The following CNTN6 variants were observed in gnomAD, a reference collection of about 807,000 sequenced individuals.
CNTN6 encodes contactin 6, also known as contactin-6.
CNTN6 carries 137 observed loss-of-function variants against 122.8 expected under a neutral mutation model. The ratio of observed to expected loss-of-function variants is 1.12; its 90% CI spans 0.97 to 1.29. CNTN6 has a LOEUF of 1.29. CNTN6 is among the 50% of genes most tolerant of loss of function. The pLI is 0.00. For missense variants in CNTN6, 1,634 were observed against 1,223.4 expected, an observed-to-expected ratio of 1.34 and a Z score of -5.01; for synonymous variants, 570 against 426.0, an observed-to-expected ratio of 1.34 and a Z score of -4.16.
chr3:1,359,915 G>A (rs749194146), intron 12 of CNTN6, among the ~76,000 whole-genome samples: 1 of 151,728 alleles, frequency 6.6e-6, no homozygotes, highest in African/African-American at 2.4e-5. Flanking sequence ...AGTTTTCTAC[G>A]GACTTGCCAA....
At chr3:1,255,334 T>G (rs943625617) in intron 4 of CNTN6, among the ~76,000 whole-genome samples, 1 of 150,784 alleles carries the variant, frequency 6.6e-6, no homozygotes, top group African/African-American at 2.4e-5. Flanking sequence ...ATATGAGGAA[T>G]GGGGTAAGAA....
At chr3:1,288,238 A>C (rs1575566399) in intron 5 of CNTN6, among the ~76,000 whole-genome samples, 1 of 152,210 alleles carries the variant, frequency 6.6e-6, no homozygotes, top group South Asian at 2.1e-4. Flanking sequence ...CTTGATTCCA[A>C]ACAGTAGATG....
At chr3:1,203,649 G>C (rs1559507472) in intron 2 of CNTN6, among the ~76,000 whole-genome samples, 1 of 152,180 alleles carries the variant, frequency 6.6e-6, no homozygotes, top group Non-Finnish European at 1.5e-5. Context: ...AAGCGTGGTT[G>C]ATGGACTGGC....
rs141385006 is a variant in CNTN6 at position 1,273,742 on chromosome 3, C to T, written c.359-4671C>T. Among the ~76,000 whole-genome samples, 341 of 152,250 alleles carry T rather than the reference C, an allele frequency of 2.2e-3. 3 individuals are homozygous for T. The highest frequency in any genetic ancestry group is 7.9e-3 in the African/African-American group (327 of 41,532). ...CAGGACTTGTGTGACTTTTGAGAGG[C>T]GTTGATTTCCTTTCATGTCAGCTAA... On this transcript the variant is annotated intron_variant, in intron 4 of 22. Transcript: ENST00000446702.
At chr3:1,241,509 G>A (rs559509520) in intron 4 of CNTN6, among the ~76,000 whole-genome samples, 2 of 152,200 alleles carry the variant, frequency 1.3e-5, no homozygotes, top group Admixed American at 1.3e-4. Flanking sequence ...TGGATGAATT[G>A]AGAAGCTAAA....
chr3:1,376,123 A>G (rs1253977393), intron 16 of CNTN6, among the ~76,000 whole-genome samples: 2 of 152,136 alleles, frequency 1.3e-5, no homozygotes, highest in Admixed American at 1.3e-4. Flanking sequence ...TGATTTAGCG[A>G]TTATCACAGA....
chr3:1,253,914 C>A (rs138322652), intron 4 of CNTN6, among the ~76,000 whole-genome samples: 5 of 152,058 alleles, frequency 3.3e-5, no homozygotes, highest in Non-Finnish European at 5.9e-5. Context: ...AACCATAAGT[C>A]TATTATATAA....
At chr3:1,342,387 C>T (rs1465492485) in intron 11 of CNTN6, among the ~76,000 whole-genome samples, 2 of 152,134 alleles carry the variant, frequency 1.3e-5, no homozygotes, top group South Asian at 2.1e-4. Context: ...CTCAGCCTCC[C>T]AAAGCGTTGG....
At chr3:1,304,570 G>C (rs975818649) in intron 7 of CNTN6, among the ~76,000 whole-genome samples, 2 of 152,064 alleles carry the variant, frequency 1.3e-5, no homozygotes, top group African/African-American at 4.8e-5. Flanking sequence ...CAAGAAAAAG[G>C]CTTGAAAGAA....
rs368313474 is a variant in CNTN6 at position 1,281,611 on chromosome 3, C to T, written c.454+3103C>T. On this transcript the variant is annotated intron_variant, in intron 5 of 22. Coordinates refer to ENST00000446702, the MANE Select transcript of CNTN6 (RefSeq NM_001289080.2). ...TCCCGAGTAGCTGGAACCACAGGCA[C>T]GTGCCACCATGAACACCTAATTTTT... Among the ~76,000 whole-genome samples, 10 of 152,022 alleles carry T rather than the reference C, an allele frequency of 6.6e-5. No individual in the cohort carries two copies. In the East Asian group the frequency reaches 7.7e-4, roughly 12 times the overall value.
chr3:1,232,613 A>G (rs2094366420), intron 4 of CNTN6, among the ~76,000 whole-genome samples: 1 of 152,226 alleles, frequency 6.6e-6, no homozygotes, highest in Non-Finnish European at 1.5e-5. Context: ...AGATTGAGGC[A>G]CAGAAGAATG....
intron 5 of CNTN6, among the ~76,000 whole-genome samples, chr3:1,288,545 G>C (rs1222065914): frequency 6.6e-6 from 1 of 152,118 alleles, no homozygotes; most frequent in Non-Finnish European, 1.5e-5. Context: ...TATTCCAAAG[G>C]GGGGATTTAC....
intron 2 of CNTN6, among the ~76,000 whole-genome samples, chr3:1,217,927 C>T (rs1191893301): frequency 6.6e-6 from 1 of 152,176 alleles, no homozygotes; most frequent in African/African-American, 2.4e-5. Flanking sequence ...AGAATTTCAC[C>T]TTACACATGA....
intron 4 of CNTN6, among the ~76,000 whole-genome samples, chr3:1,262,581 G>A (rs961782903): frequency 6.6e-6 from 1 of 152,044 alleles, no homozygotes. Context: ...GAGACCTGGC[G>A]CAAACAATGA....
At chr3:1,188,215 G>GAGTT (rs2125371503) in intron 2 of CNTN6, among the ~76,000 whole-genome samples, 1 of 152,256 alleles carries the variant, frequency 6.6e-6, no homozygotes, top group South Asian at 2.1e-4. Context: ...TGGCTAGTCT[G>GAGTT]CATCCCCAGA....
At chr3:1,396,806 G>A (rs954988298) in intron 20 of CNTN6, among the ~76,000 whole-genome samples, 22 of 152,184 alleles carry the variant, frequency 1.4e-4, no homozygotes, top group Admixed American at 1.3e-3. Context: ...CTGAAACATT[G>A]ATGATAACCA....
At chr3:1,383,898 C>G (rs546880517) in intron 19 of CNTN6, among the ~76,000 whole-genome samples, 1 of 137,120 alleles carries the variant, frequency 7.3e-6, no homozygotes, top group African/African-American at 2.8e-5. Context: ...TGGTAACTTC[C>G]AGGTGTTGCC....
At chr3:1,225,998 A>G (rs1052153600) in intron 3 of CNTN6, among the ~76,000 whole-genome samples, 1 of 152,084 alleles carries the variant, frequency 6.6e-6, no homozygotes, top group South Asian at 2.1e-4. Flanking sequence ...GATTCTCCCC[A>G]TGGGATGTTT....
intron 2 of CNTN6, among the ~76,000 whole-genome samples, chr3:1,151,054 A>G (rs1330569323): frequency 1.3e-5 from 2 of 152,124 alleles, no homozygotes; most frequent in Non-Finnish European, 2.9e-5. Flanking sequence ...CTCTGCCTGC[A>G]CCTTTTTTCA....
Sources: allele counts gnomAD v4.1 joint callset (sites outside exome capture counted in the v4.1 genomes callset), GRCh38; gene constraint gnomAD v4.1.1; transcripts MANE v1.5; gene names NCBI Gene and HGNC (gene_info 2026-07-23, HGNC 2026-07-21).